The following POLR2B variants were observed in gnomAD, a reference collection of about 807,000 sequenced individuals.
POLR2B encodes RNA polymerase II subunit B.
Under a neutral mutation model 144.6 loss-of-function variants are expected in POLR2B, and 57 were observed. The observed-to-expected ratio is 0.39, with a 90% CI of 0.32 to 0.49. POLR2B has a LOEUF of 0.49. Ranked by LOEUF, POLR2B falls within the 20% of genes least tolerant of loss-of-function variation. The pLI is 0.83. For synonymous variants in POLR2B, 442 were observed against 469.8 expected, an observed-to-expected ratio of 0.94 and a Z score of 0.77; for missense variants, 595 against 1,467.4, an observed-to-expected ratio of 0.41 and a Z score of 9.71.
intron 6 of POLR2B, among the ~76,000 whole-genome samples, chr4:56,996,694 G>T (rs189460641): frequency 1.3e-5 from 2 of 152,248 alleles, no homozygotes; most frequent in Non-Finnish European, 2.9e-5. Flanking sequence ...GTCACCTCAA[G>T]AATGTTTTTC....
intron 21 of POLR2B, 78 bp from the exon 22 acceptor site, chr4:57,024,808 A>T (rs554921192): frequency 1.4e-6 from 1 of 703,562 alleles, no homozygotes; most frequent in East Asian, 2.7e-5. Context: ...AAATTTTTTG[A>T]ATGCATTTTT....
chr4:57,016,445 G>A (rs1275482202), intron 14 of POLR2B, among the ~76,000 whole-genome samples: 1 of 151,930 alleles, frequency 6.6e-6, no homozygotes, highest in Non-Finnish European at 1.5e-5. Context: ...TACTCAGGAG[G>A]CAGGAGGATC....
chr4:56,998,733 T>G (rs1428256193), intron 6 of POLR2B, among the ~76,000 whole-genome samples: 1 of 152,152 alleles, frequency 6.6e-6, no homozygotes, highest in Non-Finnish European at 1.5e-5. Flanking sequence ...ATGGAATAAT[T>G]GATGTCCAGG....
intron 3 of POLR2B, among the ~76,000 whole-genome samples, chr4:56,991,843 GA>G (rs1414700932): frequency 6.6e-6 from 1 of 152,060 alleles, no homozygotes; most frequent in Non-Finnish European, 1.5e-5. Context: ...ATTTTTAGTA[GA>G]GATGGTGTTT....
intron 3 of POLR2B, among the ~76,000 whole-genome samples, chr4:56,993,946 C>G (rs149078196): frequency 1.8e-3 from 269 of 152,278 alleles, no homozygotes; most frequent in African/African-American, 6.1e-3. Context: ...GCACAAGAAA[C>G]TATGTAGATC....
At chr4:57,012,714 G>A (rs1470905333) in intron 13 of POLR2B, among the ~76,000 whole-genome samples, 1 of 152,140 alleles carries the variant, frequency 6.6e-6, no homozygotes, top group Admixed American at 6.5e-5. Flanking sequence ...GCCCAGGCTG[G>A]AGTAGAGTGT....
At chr4:57,020,704 G>A (rs1016654490) in intron 16 of POLR2B, among the ~76,000 whole-genome samples, 195 bp from the exon 17 acceptor site, 2 of 152,154 alleles carry the variant, frequency 1.3e-5, no homozygotes, top group African/African-American at 4.8e-5. Flanking sequence ...GGATTTGCTT[G>A]TGGGAGATAT....
At position 57,010,501 on chromosome 4, in the gene POLR2B, A is replaced by T. The variant is rs747927752; in HGVS notation, c.1545A>T (p.Pro515=). The change falls in exon 11 of 25, where the codon CCA becomes CCT. Residue 515 remains proline, a synonymous_variant. Transcript: ENST00000314595. ...GAATGGTGTGTCCTGCCGAGACCCC[A>T]GAGGTAATACATTAGAATTTACATT... The part of the protein sequence containing the change: ...LWGMVCPAET[P]EGHAVGLVKN... 1.2e-6 allele frequency: 2 copies of T among 1,612,870 alleles called. No individual in the cohort carries two copies.
chr4:57,004,390 G>A (rs1217094509), intron 7 of POLR2B, among the ~76,000 whole-genome samples: 7 of 148,832 alleles, frequency 4.7e-5, no homozygotes, highest in Admixed American at 4.7e-4. Flanking sequence ...GGTACACGCT[G>A]GATAAAAATT....
intron 1 of POLR2B, chr4:56,985,261 G>C: frequency 1.1e-6 from 1 of 899,750 alleles, no homozygotes; most frequent in South Asian, 5.1e-5. Flanking sequence ...TTGAGACAGA[G>C]TCTCGCTCTG....
At chr4:57,020,861 A>C in intron 16 of POLR2B, 38 bp from the exon 17 acceptor site, 1 of 1,084,436 alleles carries the variant, frequency 9.2e-7, no homozygotes, top group Non-Finnish European at 1.4e-6. Flanking sequence ...TCTGTTTTCC[A>C]GGTGATGTTT....
At chr4:57,003,281 T>C (rs1357504908) in intron 7 of POLR2B, among the ~76,000 whole-genome samples, 1 of 151,756 alleles carries the variant, frequency 6.6e-6, no homozygotes, top group Non-Finnish European at 1.5e-5. Flanking sequence ...AATACAAAAA[T>C]TAGCTGGGCA....
intron 1 of POLR2B, among the ~76,000 whole-genome samples, chr4:56,983,748 T>A (rs1722231811): frequency 6.6e-6 from 1 of 152,000 alleles, no homozygotes; most frequent in South Asian, 2.1e-4. Context: ...GTTCAAGTGA[T>A]CCTGCTGCCT....
In POLR2B at chr4:57,026,221, G is replaced by A. The variant is rs972648855; in HGVS notation, c.3239+684G>A. 2.6e-5 allele frequency among the ~76,000 whole-genome samples: 4 copies of A among 152,240 alleles called. No individual in the cohort carries two copies. In the South Asian group the frequency reaches 8.3e-4, roughly 32 times the overall value. On this transcript the variant is annotated intron_variant, in intron 23 of 24. Transcript: ENST00000314595. Reference sequence around the variant, plus strand: ...CCCCTGTGCTCCAGCCTGGGTGACAGAGTGAGACTTCATCTCAAAACAAAA... The same window carrying A: ...CCCCTGTGCTCCAGCCTGGGTGACAAAGTGAGACTTCATCTCAAAACAAAA...
chr4:57,006,732 C>G, intron 9 of POLR2B, 84 bp from the exon 10 acceptor site: 2 of 1,123,116 alleles, frequency 1.8e-6, no homozygotes, highest in South Asian at 1.6e-5. Flanking sequence ...ACCTTCCCCA[C>G]GCTTTTTTTT....
At chr4:56,979,177 G>A (rs1578548894) in intron 1 of POLR2B, among the ~76,000 whole-genome samples, 173 bp downstream of exon 1, 1 of 152,306 alleles carries the variant, frequency 6.6e-6, no homozygotes, top group East Asian at 1.9e-4. Context: ...GGCGGAGGGT[G>A]CAGGGAACAT....
chr4:56,988,708 T>C (rs1409721004), intron 2 of POLR2B, among the ~76,000 whole-genome samples: 2 of 152,138 alleles, frequency 1.3e-5, no homozygotes, highest in African/African-American at 4.8e-5. Flanking sequence ...ATAAAACAAA[T>C]TGGCTGTAGA....
chr4:57,025,220 C>T (rs1614251), intron 22 of POLR2B, among the ~76,000 whole-genome samples, 157 bp from the exon 23 acceptor site: 36,306 of 152,094 alleles, frequency 0.24, 4,534 homozygotes, highest in Middle Eastern at 0.28. Flanking sequence ...TACCTTTCCA[C>T]TCCCACCCCA....
Position 57,030,911 on chromosome 4 carries a change from C to A in POLR2B, c.3448C>A (p.Arg1150=). Residue 1150 remains arginine, a synonymous_variant, in exon 25 of 25, where the codon CGA becomes AGA. Transcript: ENST00000314595. ...CRNKTQISLV[R]MPYACKLLFQ... is the part of the protein sequence containing the mutation. ...TTTTTCTTTTCAGATTTCTTTGGTG[C>A]GAATGCCTTACGCATGCAAACTATT... 1.9e-6 allele frequency: 3 copies of A among 1,601,390 alleles called. No homozygotes were observed. Among genetic ancestry groups the A allele is most frequent in the Non-Finnish European group, 2.6e-6 (3 of 1,168,448 alleles).
Sources: allele counts gnomAD v4.1 joint callset (sites outside exome capture counted in the v4.1 genomes callset), GRCh38; gene constraint gnomAD v4.1.1; transcripts MANE v1.5; gene names NCBI Gene and HGNC (gene_info 2026-07-23, HGNC 2026-07-21).